STX18: variants seen among roughly 807,000 people sequenced by gnomAD.
STX18 encodes the protein syntaxin-18.
In STX18, 40 loss-of-function variants were observed where a neutral mutation model predicts 50.1. The ratio of observed to expected loss-of-function variants is 0.80; its 90% CI spans 0.62 to 1.04. The LOEUF (loss-of-function observed/expected upper bound fraction) is 1.04, where lower values mean the gene tolerates loss of function less well. STX18 is among the 50% of genes least tolerant of loss of function. The probability of loss-of-function intolerance (pLI) is 0.00; values close to 1 mark genes in which losing one functional copy is unlikely to be tolerated. For synonymous variants in STX18, 158 were observed against 151.8 expected, an observed-to-expected ratio of 1.04 and a Z score of -0.30; for missense variants, 410 against 415.8, an observed-to-expected ratio of 0.99 and a Z score of 0.12.
At chr4:4,469,749 C>CT (rs895363883) in intron 2 of STX18, among the ~76,000 whole-genome samples, 1 of 152,116 alleles carries the variant, frequency 6.6e-6, no homozygotes, top group African/African-American at 2.4e-5. Flanking sequence ...GGTCGTCTGG[C>CT]TTTTTTCTTC....
intron 1 of STX18, among the ~76,000 whole-genome samples, chr4:4,539,482 C>T (rs1731482323): frequency 6.6e-6 from 1 of 152,174 alleles, no homozygotes; most frequent in Non-Finnish European, 1.5e-5. Flanking sequence ...GTTGCAAGAA[C>T]AGGAGATAAT....
At chr4:4,529,200 A>G (rs1475743857) in intron 1 of STX18, among the ~76,000 whole-genome samples, 1 of 152,124 alleles carries the variant, frequency 6.6e-6, no homozygotes, top group Non-Finnish European at 1.5e-5. Context: ...TGTCTCTACT[A>G]AAAATACACA....
intron 1 of STX18, among the ~76,000 whole-genome samples, chr4:4,492,090 T>C (rs1455455652): frequency 2.0e-5 from 3 of 152,202 alleles, no homozygotes; most frequent in South Asian, 4.2e-4. Flanking sequence ...AAAGAAAAAT[T>C]AAGTAATAGC....
At chr4:4,472,084 A>G (rs1003370769) in intron 1 of STX18, among the ~76,000 whole-genome samples, 10 of 152,230 alleles carry the variant, frequency 6.6e-5, no homozygotes, top group Admixed American at 6.5e-5. Flanking sequence ...GTTCTAAGGG[A>G]CAGTTCTAAA....
Position 4,508,607 on chromosome 4 carries a change from A to G in STX18, c.168+33190T>C, listed in dbSNP as rs564471092. Among the ~76,000 whole-genome samples, 16 of 152,316 alleles carry G rather than the reference A, an allele frequency of 1.1e-4. No individual in the cohort carries two copies. In the South Asian group the frequency reaches 3.3e-3, roughly 32 times the overall value. On this transcript the variant is annotated intron_variant, in intron 1 of 10. Transcript: ENST00000306200. ...TGCGCAGGATGTGCAGGTTTGTTAC[A>G]TAGGTAAACATGTGCCGTGGTGGTT...
Position 4,425,175 on chromosome 4 carries a change from A to G in STX18, c.750T>C (p.Phe250=). 1 of 1,614,158 alleles carries G rather than the reference A, an allele frequency of 6.2e-7. No homozygotes were observed. The highest frequency in any genetic ancestry group is 1.3e-5 in the African/African-American group (1 of 75,058). ...QRLIGEMNSL[F]DEVRQIEGRV... ...AGCTACAAACATACCTCACTTCATC[A>G]AACAAGCTGTTCATTTCACCAATTA... The change falls in exon 8 of 11, where the codon TTT becomes TTC. Residue 250 remains phenylalanine (F), a synonymous_variant. Coordinates refer to ENST00000306200, the MANE Select transcript of STX18 (RefSeq NM_016930.4).
rs182760654 is a variant in STX18 at position 4,474,395 on chromosome 4, G to A, written c.169-2689C>T. ...TTACTAAATATTGAATAAATAGTGG[G>A]TACTGAATAATCCCAGAAGGATTAT... On this transcript the variant is annotated intron_variant, in intron 1 of 10. Coordinates refer to ENST00000306200, the MANE Select transcript of STX18 (RefSeq NM_016930.4). Among the ~76,000 whole-genome samples the A allele has an allele frequency of 1.2e-3, 187 of 152,286 alleles. 1 individual carries two copies. The highest frequency in any genetic ancestry group is 5.4e-4 in the Non-Finnish European group (37 of 68,034).
intron 1 of STX18, among the ~76,000 whole-genome samples, chr4:4,531,175 A>C (rs1005924867): frequency 1.8e-4 from 28 of 151,924 alleles, no homozygotes; most frequent in Admixed American, 6.6e-5. Flanking sequence ...ACACACACAC[A>C]CCCTGGACTA....
intron 1 of STX18, among the ~76,000 whole-genome samples, chr4:4,495,793 G>A (rs1036319218): frequency 5.9e-5 from 9 of 152,060 alleles, no homozygotes; most frequent in African/African-American, 2.2e-4. Context: ...TTAGGCAAAT[G>A]AATTTTGTTG....
At chr4:4,513,691 G>A (rs1338640164) in intron 1 of STX18, among the ~76,000 whole-genome samples, 2 of 152,092 alleles carry the variant, frequency 1.3e-5, no homozygotes, top group East Asian at 1.9e-4. Flanking sequence ...ACAGATACCC[G>A]ACAAAACAGC....
At chr4:4,450,898 A>G (rs1343230481) in intron 5 of STX18, among the ~76,000 whole-genome samples, 1 of 152,228 alleles carries the variant, frequency 6.6e-6, no homozygotes, top group African/African-American at 2.4e-5. Context: ...CTTTGTGTCC[A>G]GAGGATGCTA....
intron 1 of STX18, among the ~76,000 whole-genome samples, chr4:4,513,105 T>C (rs1431724187): frequency 6.6e-6 from 1 of 152,200 alleles, no homozygotes; most frequent in Non-Finnish European, 1.5e-5. Context: ...TGAAAAATTT[T>C]AAGACTTCCC....
At chr4:4,451,441 C>A (rs1316876665) in intron 5 of STX18, among the ~76,000 whole-genome samples, 1 of 152,222 alleles carries the variant, frequency 6.6e-6, no homozygotes, top group East Asian at 1.9e-4. Context: ...TGCTTTATTG[C>A]ACTCTGCAGA....
At chr4:4,427,734 A>G (rs1725323095) in intron 7 of STX18, among the ~76,000 whole-genome samples, 1 of 152,216 alleles carries the variant, frequency 6.6e-6, no homozygotes, top group Non-Finnish European at 1.5e-5. Context: ...GGTATAAGGC[A>G]CTTAGGTGCG....
At position 4,487,656 on chromosome 4, in the gene STX18, C is replaced by G. The variant is rs140922291; in HGVS notation, c.169-15950G>C. On this transcript the variant is annotated intron_variant, in intron 1 of 10. Transcript: ENST00000306200. ...ACCTGCAGCCTTCTGTCGCCTCCCC[C>G]CTGCCAAACCCATGAAAACAAACCC... Among the ~76,000 whole-genome samples, 1,148 of 152,292 alleles carry G rather than the reference C, an allele frequency of 7.5e-3. 14 individuals are homozygous for G. The highest frequency in any genetic ancestry group is 0.027 in the Middle Eastern group (8 of 294).
chr4:4,478,235 A>AC, intron 1 of STX18, among the ~76,000 whole-genome samples: 1 of 149,854 alleles, frequency 6.7e-6, no homozygotes, highest in African/African-American at 2.5e-5. Flanking sequence ...AAAAAAAAAA[A>AC]ACAAAAACGT....
intron 2 of STX18, among the ~76,000 whole-genome samples, chr4:4,468,185 C>CT (rs926131913): frequency 6.6e-6 from 1 of 152,032 alleles, no homozygotes. Context: ...TGCAGAAACC[C>CT]TTTTTTTTCC....
intron 1 of STX18, among the ~76,000 whole-genome samples, chr4:4,503,128 G>A (rs935631208): frequency 3.9e-5 from 6 of 152,102 alleles, no homozygotes; most frequent in South Asian, 2.1e-4. Flanking sequence ...TGACAGTTTC[G>A]GCATGTAATT....
At chr4:4,484,308 G>A (rs1728607187) in intron 1 of STX18, among the ~76,000 whole-genome samples, 2 of 152,208 alleles carry the variant, frequency 1.3e-5, no homozygotes, top group South Asian at 4.1e-4. Flanking sequence ...AAGTGCAGAG[G>A]AAAACAGAAC....
Sources: allele counts gnomAD v4.1 joint callset (sites outside exome capture counted in the v4.1 genomes callset), GRCh38; gene constraint gnomAD v4.1.1; transcripts MANE v1.5; gene names NCBI Gene and HGNC (gene_info 2026-07-23, HGNC 2026-07-21).